Variants in RIN3 observed in about 807,000 individuals in gnomAD.
RIN3 encodes the protein RAB5 interacting protein 3.
RIN3 carries 54 observed loss-of-function variants against 76.3 expected under a neutral mutation model. The observed-to-expected ratio is 0.71, with a 90% CI of 0.57 to 0.89. The LOEUF is 0.89. RIN3 is among the 40% of genes least tolerant of loss of function. The probability of loss-of-function intolerance (pLI) is 0.00; values close to 1 mark genes in which losing one functional copy is unlikely to be tolerated. For synonymous variants in RIN3, 576 were observed against 564.0 expected (o/e 1.02, Z -0.30); for missense variants, 1,256 against 1,322.1 (o/e 0.95, Z 0.78).
chr14:92,517,129 C>CA (rs1251907418), intron 1 of RIN3, among the ~76,000 whole-genome samples: 1 of 152,174 alleles, frequency 6.6e-6, no homozygotes, highest in Non-Finnish European at 1.5e-5. Flanking sequence ...CAAGACATGG[C>CA]AAGCTGTGTC....
chr14:92,688,249 G>T lies in RIN3; in HGVS notation c.2955G>T (p.Leu985=), dbSNP rs576425860. 6.3e-7 allele frequency: 1 copy of T among 1,582,456 alleles called. No individual in the cohort carries two copies. Among genetic ancestry groups the T allele is most frequent in the Non-Finnish European group, 8.6e-7 (1 of 1,166,148 alleles). The change falls in exon 10 of 10, where the codon CTG becomes CTT. Residue 985 remains leucine (L), a synonymous_variant. Coordinates refer to ENST00000216487, the MANE Select transcript of RIN3 (RefSeq NM_024832.5). ...PCLVVREPNF[L] Reference sequence around the variant, plus strand: ...TGGTGGTGCGGGAGCCCAACTTCCTGTGAGGCCCTCCCGGGGCGCCTCCCC... The same window carrying T: ...TGGTGGTGCGGGAGCCCAACTTCCTTTGAGGCCCTCCCGGGGCGCCTCCCC...
chr14:92,595,127 G>T (rs1885109062), intron 3 of RIN3, among the ~76,000 whole-genome samples: 2 of 152,206 alleles, frequency 1.3e-5, no homozygotes, highest in South Asian at 4.1e-4. Flanking sequence ...CGGTGTCTGT[G>T]TCCTCAAGGA....
intron 7 of RIN3, among the ~76,000 whole-genome samples, chr14:92,672,137 G>A (rs908781177): frequency 1.5e-4 from 23 of 152,106 alleles, no homozygotes; most frequent in African/African-American, 4.1e-4. Flanking sequence ...GGCGTGCGGC[G>A]GCTTACGCTT....
At chr14:92,565,064 G>A (rs1046395157) in intron 2 of RIN3, among the ~76,000 whole-genome samples, 2 of 152,240 alleles carry the variant, frequency 1.3e-5, no homozygotes, top group Non-Finnish European at 1.5e-5. Flanking sequence ...AGGTGGCCCC[G>A]GCACTGGCAC....
chr14:92,559,458 A>G (rs540423942), intron 2 of RIN3, among the ~76,000 whole-genome samples: 65 of 152,330 alleles, frequency 4.3e-4, no homozygotes, highest in Non-Finnish European at 6.6e-4. Context: ...TCTGAGATCA[A>G]CCAGTGCTGG....
intron 1 of RIN3, among the ~76,000 whole-genome samples, chr14:92,554,614 AC>A (rs1297259436): frequency 3.3e-5 from 5 of 152,206 alleles, no homozygotes; most frequent in Non-Finnish European, 7.3e-5. Flanking sequence ...ATTTTATTTA[AC>A]CTGACACATT....
In RIN3 at chr14:92,648,733, C is replaced by G. The variant is rs1887291198; in HGVS notation, c.533-2849C>G. Among the ~76,000 whole-genome samples, 1 of 152,058 alleles carries G rather than the reference C, an allele frequency of 6.6e-6. No individual in the cohort carries two copies. Among genetic ancestry groups the G allele is most frequent in the African/African-American group, 2.4e-5 (1 of 41,416 alleles). On this transcript the variant is annotated intron_variant, in intron 5 of 9. Coordinates refer to ENST00000216487, the MANE Select transcript of RIN3 (RefSeq NM_024832.5). The surrounding 1 kb of genome is among the most constrained non-coding windows in gnomAD (Gnocchi z 4.1). ...CTCTGAGTCTGGTGGGAAAGTCAGG[C>G]AAAAAACAGAGAATTACAGTCCCAG...
At chr14:92,563,968 T>A (rs1897850737) in intron 2 of RIN3, among the ~76,000 whole-genome samples, 1 of 152,200 alleles carries the variant, frequency 6.6e-6, no homozygotes, top group African/African-American at 2.4e-5. Flanking sequence ...TATGAGGACC[T>A]TTGTCCAGGA....
At chr14:92,590,377 G>A (rs988144986) in intron 3 of RIN3, among the ~76,000 whole-genome samples, 3 of 152,168 alleles carry the variant, frequency 2.0e-5, no homozygotes, top group African/African-American at 7.2e-5. Flanking sequence ...GGTCACAGGG[G>A]TGGATCCCTC....
At position 92,641,164 on chromosome 14, in the gene RIN3, G is replaced by C. The variant is rs567661426; in HGVS notation, c.441-74G>C. On this transcript the variant is annotated intron_variant, in intron 4 of 9. Transcript: ENST00000216487. ...CCTGGCAGCCAGCAGAGATTGCCAG[G>C]GCTCTTCCTTTGTGGAGGCTGGGAA... 4.3e-6 allele frequency: 5 copies of C among 1,169,140 alleles called. No homozygotes were observed. The African/African-American group carries it at 4.5e-5, about 11-fold the overall frequency. 72.4% of individuals were successfully genotyped at this position (1,169,140 alleles called of 1,614,324 possible).
At chr14:92,574,975 C>G (rs1053216739) in intron 2 of RIN3, among the ~76,000 whole-genome samples, 1 of 152,132 alleles carries the variant, frequency 6.6e-6, no homozygotes, top group Non-Finnish European at 1.5e-5. Context: ...ACTTGCCTCT[C>G]TCTGCCTCAG....
In RIN3 at chr14:92,651,930, C is replaced by G. The variant is rs775836446; in HGVS notation, c.881C>G (p.Pro294Arg). Reference protein sequence around the residue: ...PPVLPLQPCSPAQPPVLPALA... With the variant: ...PPVLPLQPCSRAQPPVLPALA... ...GTGCTGCCCCTGCAGCCCTGCAGCC[C>G]AGCCCAGCCCCCTGTGCTCCCTGCT... Residue 294 changes from proline to arginine, a missense_variant, in exon 6 of 10, where the codon CCA becomes CGA. This residue lies in a region of RIN3 where 610 missense variants were observed against 626.4 expected (regional missense o/e 0.97). Coordinates refer to ENST00000216487, the MANE Select transcript of RIN3 (RefSeq NM_024832.5). The G allele has an allele frequency of 1.3e-5, 20 of 1,561,008 alleles. No homozygotes were observed. Among genetic ancestry groups the G allele is most frequent in the Non-Finnish European group, 1.6e-5 (19 of 1,152,424 alleles).
At chr14:92,687,820 T>C in intron 9 of RIN3, 106 bp from the exon 10 acceptor site, 2 of 1,057,802 alleles carry the variant, frequency 1.9e-6, no homozygotes, top group East Asian at 6.1e-5. Flanking sequence ...CGCAGACAGC[T>C]TGGCGCCCGC....
rs142495674 is a variant in RIN3, at chr14:92,638,467, G to A, written c.441-2771G>A. Among the ~76,000 whole-genome samples, 689 of 152,280 alleles carry A rather than the reference G, an allele frequency of 4.5e-3. 4 individuals carry two copies. The highest frequency in any genetic ancestry group is 0.016 in the African/African-American group (647 of 41,554). ...CTGGGGTGTGACTGCAGCTGCAACTGCAGCAGACTGAGTAAAGTGACAAGG... is the reference window on the plus strand; with the variant it reads ...CTGGGGTGTGACTGCAGCTGCAACTACAGCAGACTGAGTAAAGTGACAAGG... On this transcript the variant is annotated intron_variant, in intron 4 of 9. Coordinates refer to ENST00000216487, the MANE Select transcript of RIN3 (RefSeq NM_024832.5).
Position 92,577,528 on chromosome 14 carries a change from A to T in RIN3, c.367+51A>T. 3.4e-6 allele frequency: 4 copies of T among 1,167,494 alleles called. No individual in the cohort carries two copies. The highest frequency in any genetic ancestry group is 5.1e-6 in the Non-Finnish European group (4 of 777,862). The allele number at this position is 1,167,494 out of a possible 1,614,324, so 72.3% of individuals were successfully genotyped here. On this transcript the variant is annotated intron_variant, in intron 3 of 9. Coordinates refer to ENST00000216487, the MANE Select transcript of RIN3 (RefSeq NM_024832.5). ...ACTTTGACCACGCGGCAGCAGCAGC[A>T]GCAGAGAGGCTGCACCTTCTAACCA...
intron 3 of RIN3, among the ~76,000 whole-genome samples, chr14:92,582,484 A>G (rs1262167600): frequency 2.5e-5 from 3 of 121,984 alleles, no homozygotes; most frequent in South Asian, 4.9e-4. Flanking sequence ...GTCTTGCTCT[A>G]TCGCCCAGGC....
At chr14:92,546,265 A>AT in intron 1 of RIN3, among the ~76,000 whole-genome samples, 1 of 152,086 alleles carries the variant, frequency 6.6e-6, no homozygotes, top group Non-Finnish European at 1.5e-5. Context: ...AGGTGTACAT[A>AT]TTTTGGGGGT....
intron 1 of RIN3, chr14:92,515,224 C>T (rs1419598318): frequency 5.7e-6 from 4 of 700,116 alleles, no homozygotes; most frequent in Middle Eastern, 4.6e-4. Context: ...AGACAAATAC[C>T]ATCCGGTGGG....
At chr14:92,611,082 G>A (rs906806298) in intron 3 of RIN3, among the ~76,000 whole-genome samples, 3 of 152,134 alleles carry the variant, frequency 2.0e-5, no homozygotes, top group African/African-American at 4.8e-5. Flanking sequence ...CAGTTCTGGA[G>A]GCCAGAAATC....
Sources: allele counts gnomAD v4.1 joint callset (sites outside exome capture counted in the v4.1 genomes callset), GRCh38; gene constraint gnomAD v4.1.1; regional missense constraint gnomAD v4.1.1; non-coding constraint Gnocchi (gnomAD v3.1); transcripts MANE v1.5; gene names NCBI Gene and HGNC (gene_info 2026-07-23, HGNC 2026-07-21).